Variants in CFAP70 observed in about 807,000 individuals in gnomAD.
CFAP70 encodes the protein cilia- and flagella-associated protein 70.
Under a neutral mutation model 137.6 loss-of-function variants are expected in CFAP70, and 81 were observed. The ratio of observed to expected loss-of-function variants is 0.59; its 90% CI spans 0.49 to 0.71. The LOEUF (loss-of-function observed/expected upper bound fraction) is 0.71. Ranked by LOEUF, CFAP70 falls within the 30% of genes least tolerant of loss-of-function variation. CFAP70 has a pLI of 0.00. For missense variants in CFAP70, 976 were observed against 1,226.7 expected (o/e 0.80, Z 3.05); for synonymous variants, 382 against 423.6 (o/e 0.90, Z 1.20).
rs2053927059 is a variant in CFAP70 at position 73,348,596 on chromosome 10, C to A, written c.251-75G>T. The A allele has an allele frequency of 3.1e-6, 3 of 974,690 alleles. No homozygotes were observed. In the Admixed American group the frequency reaches 7.7e-5, roughly 25 times the overall value. 60.4% of individuals were successfully genotyped at this position (974,690 alleles called of 1,614,324 possible). On this transcript the variant is annotated intron_variant, in intron 3 of 26. Transcript: ENST00000310715. ...GATAACCAAGCTGCAACAAACAAAGCATTGTCAAAGATATGTAAGTTAAAA... is the reference window on the plus strand; with the variant it reads ...GATAACCAAGCTGCAACAAACAAAGAATTGTCAAAGATATGTAAGTTAAAA...
intron 1 of CFAP70, 72 bp from the exon 2 acceptor site, chr10:73,354,907 C>A: frequency 2.3e-6 from 2 of 884,666 alleles, no homozygotes; most frequent in South Asian, 1.4e-5. Context: ...CCATCATAAC[C>A]AATACCAGGG....
rs950709232 is a variant in CFAP70, at chr10:73,275,285, T to G, written c.2673+161A>C. The G allele has an allele frequency of 2.6e-5, 19 of 717,704 alleles. No homozygotes were observed. The highest frequency in any genetic ancestry group is 3.8e-5 in the Non-Finnish European group (19 of 493,928). 44.5% of individuals were successfully genotyped at this position (717,704 alleles called of 1,614,324 possible). A position where few individuals can be genotyped will look rare whatever the true frequency, so the allele number is the denominator to read the frequency against. On this transcript the variant is annotated intron_variant, in intron 22 of 26. Transcript: ENST00000310715. This position sits in a 1 kb window ranked among gnomAD's most constrained non-coding sequence, Gnocchi z 4.0. ...TGAGCCACCGCGCCCAGCCAACTCA[T>G]GATTACTTAAGAAAAGCAAATGGAA...
chr10:73,335,433 A>C (rs1218918161), exon 7 of CFAP70: 1 of 1,606,072 alleles, frequency 6.2e-7, no homozygotes, highest in South Asian at 1.1e-5. Flanking sequence ...TTCTTACCTG[A>C]CCACTGCAGA....
intron 13 of CFAP70, 102 bp from the exon 15 acceptor site, chr10:73,299,203 AGTTTGTTTGTTT>A (rs113530143): frequency 1.2e-6 from 1 of 837,126 alleles, no homozygotes; most frequent in Non-Finnish European, 1.8e-6. Context: ...ATACTTTATT[AGTTTGTTTGTTT>A]GTTTGTTTGT....
At chr10:73,286,763 A>G (rs1025471668) in intron 19 of CFAP70, among the ~76,000 whole-genome samples, 1 of 152,226 alleles carries the variant, frequency 6.6e-6, no homozygotes, top group Non-Finnish European at 1.5e-5. Flanking sequence ...TGAGAGCCAT[A>G]AACAGAGTAT....
chr10:73,258,891 ACC>A (rs1338513946), intron 25 of CFAP70, among the ~76,000 whole-genome samples: 3 of 152,044 alleles, frequency 2.0e-5, no homozygotes, highest in Admixed American at 2.0e-4. Context: ...CTGCTCTCAA[ACC>A]CTGTCTCCTG....
intron 15 of CFAP70, chr10:73,295,366 AGGGAGGAAGGGAG>A (rs1434078371): frequency 1.8e-5 from 2 of 112,554 alleles, no homozygotes; most frequent in African/African-American, 8.5e-5. Flanking sequence ...GAAGGAAGGA[AGGGAGGAAGGGAG>A]GAAGGGAGGA....
intron 8 of CFAP70, among the ~76,000 whole-genome samples, chr10:73,327,645 G>A (rs188409888): frequency 0.1 from 15,516 of 151,280 alleles, 1,095 homozygotes; most frequent in East Asian, 0.3. Flanking sequence ...CAAAGTCTCA[G>A]GATACAAAAT....
chr10:73,354,247 C>T (rs1009685923), intron 2 of CFAP70, among the ~76,000 whole-genome samples: 3 of 152,194 alleles, frequency 2.0e-5, no homozygotes, highest in African/African-American at 7.2e-5. Flanking sequence ...TACATGCACA[C>T]ATAGATACAT....
At chr10:73,270,566 C>T (rs1270472386) in intron 24 of CFAP70, among the ~76,000 whole-genome samples, 2 of 76,072 alleles carry the variant, frequency 2.6e-5, no homozygotes, top group African/African-American at 8.9e-5. Context: ...GACAGAGTCT[C>T]GCTGTACTGC....
At chr10:73,277,382 G>A in intron 20 of CFAP70, 21 bp from the exon 22 acceptor site, 1 of 1,611,182 alleles carries the variant, frequency 6.2e-7, no homozygotes. Context: ...TACATTAAAA[G>A]GATTGAAGAT....
intron 12 of CFAP70, among the ~76,000 whole-genome samples, chr10:73,301,179 G>A (rs1003808521): frequency 2.0e-5 from 3 of 152,152 alleles, no homozygotes; most frequent in Non-Finnish European, 4.4e-5. Flanking sequence ...AGGGAAGTGA[G>A]GAAGCAACTG....
chr10:73,351,218 T>A (rs1321083507), intron 3 of CFAP70, among the ~76,000 whole-genome samples: 1 of 146,134 alleles, frequency 6.8e-6, no homozygotes. Context: ...TCCTGGGTTC[T>A]CGCCATTCTC....
At chr10:73,322,812 A>G (rs773896382) in intron 9 of CFAP70, 151 bp downstream of exon 10, 3 of 606,762 alleles carry the variant, frequency 4.9e-6, no homozygotes, top group Non-Finnish European at 7.6e-6. Flanking sequence ...TAAAGGTCCA[A>G]TGCAGAATGA....
intron 25 of CFAP70, among the ~76,000 whole-genome samples, chr10:73,263,409 T>C (rs1031755791): frequency 6.6e-6 from 1 of 152,182 alleles, no homozygotes; most frequent in Non-Finnish European, 1.5e-5. Flanking sequence ...AGAAAATAAA[T>C]CCAAGATCAT....
At chr10:73,279,523 CAATA>C (rs35709122) in intron 19 of CFAP70, among the ~76,000 whole-genome samples, 26,544 of 129,140 alleles carry the variant, frequency 0.21, 2,762 homozygotes, top group Admixed American at 0.25. Flanking sequence ...GACTCTGTCT[CAATA>C]AATAAATAAA....
upstream of CFAP70, among the ~76,000 whole-genome samples, chr10:73,359,885 T>C (rs1442552891): frequency 4.0e-5 from 6 of 151,106 alleles, no homozygotes; most frequent in African/African-American, 1.5e-4. Flanking sequence ...AGCCTCCTGG[T>C]GAAACACACT....
intron 11 of CFAP70, among the ~76,000 whole-genome samples, chr10:73,310,789 G>C (rs1335565074): frequency 3.3e-5 from 5 of 152,094 alleles, no homozygotes; most frequent in African/African-American, 1.2e-4. Context: ...CATCCTTCCA[G>C]AAAGTGAGGC....
At chr10:73,359,714 G>A (rs1823963370), upstream of CFAP70, among the ~76,000 whole-genome samples, 1 of 152,122 alleles carries the variant, frequency 6.6e-6, no homozygotes, top group African/African-American at 2.4e-5. Context: ...CGCTAAGGCT[G>A]GTGGGTAGAT....
Sources: gnomAD v4.1 joint callset for allele counts (sites outside exome capture counted in the v4.1 genomes callset) on GRCh38, gnomAD v4.1.1 for gene constraint, Gnocchi (gnomAD v3.1) non-coding constraint, MANE v1.5 for transcripts, NCBI Gene and HGNC (gene_info 2026-07-23, HGNC 2026-07-21) for gene names.